Variants in AMZ1 observed in about 807,000 individuals in gnomAD.
AMZ1 encodes the protein archaemetzincin-1.
AMZ1 carries 39 observed loss-of-function variants against 29.9 expected under a neutral mutation model. The observed-to-expected ratio is 1.30, with a 90% CI of 1.01 to 1.70. AMZ1 has a LOEUF of 1.70. Among genes scored for constraint, AMZ1 ranks in the 40% most tolerant of loss-of-function variants. The pLI, the probability that AMZ1 is intolerant of heterozygous loss-of-function variation, is 0.00. For missense variants in AMZ1, 1,041 were observed against 680.6 expected (o/e 1.53, Z -5.89); for synonymous variants, 458 against 304.0 (o/e 1.51, Z -5.27).
chr7:2,739,473 C>T (rs923558119), intron 4 of AMZ1, among the ~76,000 whole-genome samples: 6 of 138,122 alleles, frequency 4.3e-5, no homozygotes, highest in Middle Eastern at 3.6e-3. Flanking sequence ...TTCCATTTTA[C>T]GGCCAATATA....
intron 4 of AMZ1, among the ~76,000 whole-genome samples, chr7:2,749,377 T>G (rs1449230066): frequency 6.6e-6 from 1 of 152,072 alleles, no homozygotes; most frequent in East Asian, 1.9e-4. Flanking sequence ...TGGATGAAAC[T>G]AGAAACCATC....
At chr7:2,759,608 G>A (rs1042314168), upstream of AMZ1, among the ~76,000 whole-genome samples, 3 of 152,222 alleles carry the variant, frequency 2.0e-5, no homozygotes, top group African/African-American at 7.2e-5. Flanking sequence ...ATGAATTACT[G>A]TTGATGTTTT....
intron 6 of AMZ1, 79 bp downstream of exon 6, chr7:2,709,895 G>T: frequency 6.4e-7 from 1 of 1,557,354 alleles, no homozygotes; most frequent in South Asian, 1.2e-5. Context: ...AGGCTACGCA[G>T]GGCATGGGGA....
In AMZ1 at chr7:2,709,623, G is replaced by C. The variant is rs932361021; in HGVS notation, c.772-17G>C. On this transcript the variant is annotated splice_polypyrimidine_tract_variant and intron_variant, in intron 5 of 6. Transcript: ENST00000683327. ...GGCAAGGCAGTGAGGCAAGGTGCTTGGTGGCCTTCCCCCCAGGTCACGTGC... is the reference window on the plus strand; with the variant it reads ...GGCAAGGCAGTGAGGCAAGGTGCTTCGTGGCCTTCCCCCCAGGTCACGTGC... 1.9e-6 allele frequency: 3 copies of C among 1,604,382 alleles called. No individual in the cohort carries two copies. The highest frequency in any genetic ancestry group is 2.2e-5 in the South Asian group (2 of 90,762).
chr7:2,750,686 C>T (rs569801932), intron 4 of AMZ1, among the ~76,000 whole-genome samples: 3 of 152,280 alleles, frequency 2.0e-5, no homozygotes, highest in African/African-American at 7.2e-5. Context: ...AAGGTGAAGC[C>T]ACGGACACGG....
intron 1 of AMZ1, 34 bp from the exon 2 acceptor site, chr7:2,700,200 G>A: frequency 1.8e-6 from 1 of 550,386 alleles, no homozygotes; most frequent in Non-Finnish European, 3.2e-6. Context: ...TGTGTGCTCG[G>A]CAGTGAGGGG....
intron 4 of AMZ1, among the ~76,000 whole-genome samples, chr7:2,741,696 C>A (rs1212123149): frequency 6.6e-6 from 1 of 152,038 alleles, no homozygotes; most frequent in African/African-American, 2.4e-5. Context: ...TCTTTCAATA[C>A]ACAGACTTTT....
chr7:2,700,273 C>T lies in AMZ1; in HGVS notation c.-179C>T, dbSNP rs1413659603. ...AGAAGCGCCCATGCCTGAGAGCGTC[C>T]AGGACCAGGCAGAGCTGGGCCTTAA... On this transcript the variant is annotated 5_prime_UTR_variant, in exon 2 of 7. The change creates a premature stop within an existing upstream ORF in the 5' untranslated region. Coordinates refer to ENST00000683327, the MANE Select transcript of AMZ1 (RefSeq NM_001384743.1). 5.7e-6 allele frequency: 4 copies of T among 704,828 alleles called. No homozygotes were observed. Among genetic ancestry groups the T allele is most frequent in the East Asian group, 5.4e-5 (2 of 36,812 alleles). 43.7% of individuals were successfully genotyped at this position (704,828 alleles called of 1,614,324 possible). A position where few individuals can be genotyped will look rare whatever the true frequency, so the allele number is the denominator to read the frequency against.
chr7:2,736,267 G>C (rs2115303769), intron 4 of AMZ1, among the ~76,000 whole-genome samples: 1 of 152,316 alleles, frequency 6.6e-6, no homozygotes, highest in South Asian at 2.1e-4. Context: ...AACGGCTGCT[G>C]CGGTCACACG....
intron 4 of AMZ1, 105 bp from the exon 5 acceptor site, chr7:2,708,970 T>C (rs868219928): frequency 2.1e-6 from 3 of 1,397,616 alleles, no homozygotes; most frequent in Non-Finnish European, 2.9e-6. Context: ...TGGTATGTCT[T>C]TGGGCCATGG....
chr7:2,748,355 G>T (rs895389831), intron 4 of AMZ1, among the ~76,000 whole-genome samples: 2 of 152,042 alleles, frequency 1.3e-5, no homozygotes, highest in African/African-American at 4.8e-5. Flanking sequence ...AAATAATGCT[G>T]CATATCTACA....
upstream of AMZ1, among the ~76,000 whole-genome samples, chr7:2,760,771 C>T (rs369293505): frequency 3.3e-5 from 5 of 152,244 alleles, no homozygotes; most frequent in East Asian, 5.8e-4. Context: ...GGGACAGCGT[C>T]GAGCTCCCTA....
chr7:2,720,863 A>C (rs1050679723), downstream of AMZ1, among the ~76,000 whole-genome samples: 1 of 151,936 alleles, frequency 6.6e-6, no homozygotes, highest in Non-Finnish European at 1.5e-5. Context: ...TTTTTGGTAG[A>C]GACAGGGTTT....
chr7:2,729,633 AGG>A (rs1244528880), intron 4 of AMZ1: 1 of 152,174 alleles, frequency 6.6e-6, no homozygotes, highest in African/African-American at 2.4e-5. Context: ...AAACAAGCCA[AGG>A]GTGAGCTGCA....
chr7:2,751,780 T>C (rs1791052037), intron 4 of AMZ1, among the ~76,000 whole-genome samples: 1 of 152,066 alleles, frequency 6.6e-6, no homozygotes, highest in African/African-American at 2.4e-5. Context: ...GACAAATTGC[T>C]TTAAAAAATT....
chr7:2,735,145 C>T (rs141582036), intron 4 of AMZ1, among the ~76,000 whole-genome samples: 2,011 of 152,288 alleles, frequency 0.013, 18 homozygotes, highest in Non-Finnish European at 0.02. Flanking sequence ...CCTTCCTCAG[C>T]GCCTCTCTCT....
intron 6 of AMZ1, among the ~76,000 whole-genome samples, chr7:2,711,130 G>C (rs914100647): frequency 7.9e-5 from 12 of 152,298 alleles, no homozygotes; most frequent in African/African-American, 2.4e-4. Context: ...AGCTCTCTCC[G>C]TTCCGTGAGC....
intron 3 of AMZ1, among the ~76,000 whole-genome samples, chr7:2,707,366 C>T (rs1687171779): frequency 6.6e-6 from 1 of 151,966 alleles, no homozygotes; most frequent in Non-Finnish European, 1.5e-5. Context: ...GAAAACACTT[C>T]TCCGGTGTGC....
At chr7:2,690,977 C>T (rs1286353867) in intron 1 of AMZ1, among the ~76,000 whole-genome samples, 1 of 151,772 alleles carries the variant, frequency 6.6e-6, no homozygotes. Flanking sequence ...CCTGTCTCTA[C>T]TAAAGATAAC....
Sources: gnomAD v4.1 joint callset for allele counts (sites outside exome capture counted in the v4.1 genomes callset) on GRCh38, gnomAD v4.1.1 for gene constraint, MANE v1.5 for transcripts, NCBI Gene and HGNC (gene_info 2026-07-23, HGNC 2026-07-21) for gene names.